Variants in EPB41L5 observed in about 807,000 individuals in gnomAD.
EPB41L5 encodes erythrocyte membrane protein band 4.1 like 5, also known as band 4.1-like protein 5.
A neutral mutation model predicts 106.6 loss-of-function variants in EPB41L5; 55 were observed. The ratio of observed to expected loss-of-function variants is 0.52; its 90% confidence interval spans 0.42 to 0.65. EPB41L5 has a LOEUF of 0.65. Among genes scored for constraint, EPB41L5 ranks in the 30% least tolerant of loss-of-function variants. The pLI is 0.00. For synonymous variants in EPB41L5, 297 were observed against 306.7 expected, an observed-to-expected ratio of 0.97 and a Z score of 0.33; for missense variants, 871 against 882.1, an observed-to-expected ratio of 0.99 and a Z score of 0.16.
intron 2 of EPB41L5, among the ~76,000 whole-genome samples, chr2:120,031,638 C>T (rs145032043): frequency 1.1e-4 from 16 of 152,228 alleles, no homozygotes; most frequent in Middle Eastern, 3.4e-3. Context: ...TAATCAAGAT[C>T]TCACATCCAT....
intron 14 of EPB41L5, among the ~76,000 whole-genome samples, chr2:120,094,001 G>A (rs1359831885): frequency 2.6e-5 from 4 of 151,850 alleles, no homozygotes; most frequent in African/African-American, 7.3e-5. Flanking sequence ...GGTAGGGGAC[G>A]TGCAGGGCCT....
At chr2:120,165,967 CAAAAAAAAA>C (rs536664071) in intron 22 of EPB41L5, among the ~76,000 whole-genome samples, 12 of 27,998 alleles carry the variant, frequency 4.3e-4, no homozygotes, top group African/African-American at 9.2e-4. Context: ...GACTCCGTCT[CAAAAAAAAA>C]AAAAAAAAAA....
chr2:120,145,034 A>T (rs981808690), intron 19 of EPB41L5, among the ~76,000 whole-genome samples: 2 of 152,228 alleles, frequency 1.3e-5, no homozygotes, highest in African/African-American at 2.4e-5. Context: ...CTACAACATC[A>T]TAATTAATGA....
At chr2:120,162,222 C>T (rs779823272) in intron 21 of EPB41L5, among the ~76,000 whole-genome samples, 1 of 152,218 alleles carries the variant, frequency 6.6e-6, no homozygotes, top group Non-Finnish European at 1.5e-5. Context: ...TGCACTGCAG[C>T]ATAACCAGCT....
chr2:120,114,364 C>G (rs1684857032), intron 16 of EPB41L5, among the ~76,000 whole-genome samples: 1 of 152,012 alleles, frequency 6.6e-6, no homozygotes. Flanking sequence ...TGATCTTTTC[C>G]TGGGCTGTAA....
At chr2:120,122,241 T>C (rs1367628290) in intron 16 of EPB41L5, among the ~76,000 whole-genome samples, 1 of 152,182 alleles carries the variant, frequency 6.6e-6, no homozygotes, top group African/African-American at 2.4e-5. Context: ...TAGTCATGGA[T>C]TCCTTGCCCA....
chr2:120,166,216 G>A (rs928272044), intron 22 of EPB41L5, among the ~76,000 whole-genome samples: 1 of 151,938 alleles, frequency 6.6e-6, no homozygotes, highest in African/African-American at 2.4e-5. Context: ...CTTGGGTGGG[G>A]TCTGAAAAGT....
In EPB41L5 at chr2:120,104,122, C is replaced by A. The variant is rs77751381; in HGVS notation, c.1337+3308C>A. 4.2e-3 allele frequency: 6,460 copies of A among 1,535,988 alleles called. 211 individuals carry two copies. In the African/African-American group the frequency reaches 0.074, roughly 18 times the overall value. On this transcript the variant is annotated intron_variant, in intron 16 of 24. Coordinates refer to ENST00000263713, the MANE Select transcript of EPB41L5 (RefSeq NM_020909.4). ...AACCAGTGGAACACAAGGGCCTTGC[C>A]CCCACCCCAGACCGCACATAGAAAC...
intron 22 of EPB41L5, among the ~76,000 whole-genome samples, chr2:120,167,241 T>TTCTC (rs1687454495): frequency 6.6e-6 from 1 of 152,192 alleles, no homozygotes; most frequent in Non-Finnish European, 1.5e-5. Context: ...AGATAAGAGA[T>TTCTC]TCTCAAAATT....
chr2:120,052,017 G>A (rs1252907791), intron 3 of EPB41L5, among the ~76,000 whole-genome samples: 1 of 152,162 alleles, frequency 6.6e-6, no homozygotes, highest in Non-Finnish European at 1.5e-5. Context: ...AGTACAGACA[G>A]GGTTTCACCA....
At chr2:120,126,349 G>T (rs1393209699) in intron 16 of EPB41L5, among the ~76,000 whole-genome samples, 1 of 151,910 alleles carries the variant, frequency 6.6e-6, no homozygotes, top group Non-Finnish European at 1.5e-5. Context: ...GATACTTTTG[G>T]TGTCATATCT....
intron 18 of EPB41L5, 135 bp from the exon 19 acceptor site, chr2:120,142,868 C>A: frequency 1.4e-6 from 1 of 738,616 alleles, no homozygotes. Context: ...ATTGCTTATG[C>A]CTGAAATAAG....
At chr2:120,119,013 T>C (rs1359484732) in intron 16 of EPB41L5, among the ~76,000 whole-genome samples, 4 of 152,218 alleles carry the variant, frequency 2.6e-5, no homozygotes, top group Admixed American at 2.0e-4. Flanking sequence ...TTTTGACTTT[T>C]TAATAATAGC....
chr2:120,029,127 G>A (rs1200731021), intron 2 of EPB41L5, among the ~76,000 whole-genome samples: 1 of 152,114 alleles, frequency 6.6e-6, no homozygotes, highest in Non-Finnish European at 1.5e-5. Context: ...GTTTCTTTAA[G>A]TGAATAGGAA....
intron 3 of EPB41L5, among the ~76,000 whole-genome samples, chr2:120,044,223 A>G (rs1052423143): frequency 4.6e-5 from 7 of 150,964 alleles, no homozygotes; most frequent in African/African-American, 1.2e-4. Context: ...CAGAGTTTCT[A>G]ATCTCTTGGT....
At chr2:120,029,438 C>A (rs1357348530) in intron 2 of EPB41L5, among the ~76,000 whole-genome samples, 1 of 152,264 alleles carries the variant, frequency 6.6e-6, no homozygotes, top group East Asian at 1.9e-4. Context: ...TGAAGTGATT[C>A]ACCTGCCTCA....
intron 15 of EPB41L5, 63 bp downstream of exon 15, chr2:120,100,349 A>C: frequency 6.8e-7 from 1 of 1,473,516 alleles, no homozygotes; most frequent in East Asian, 2.3e-5. Context: ...CAGTAGTAGT[A>C]TTGATTGGAT....
chr2:120,149,238 G>A (rs918065194), intron 20 of EPB41L5, among the ~76,000 whole-genome samples: 33 of 152,240 alleles, frequency 2.2e-4, no homozygotes, highest in African/African-American at 7.5e-4. Flanking sequence ...TCCATTTAAA[G>A]TGTGCAATTC....
intron 2 of EPB41L5, among the ~76,000 whole-genome samples, chr2:120,032,306 A>G (rs751490308): frequency 1.3e-5 from 2 of 152,172 alleles, no homozygotes; most frequent in Non-Finnish European, 2.9e-5. Flanking sequence ...TGAAACTGGA[A>G]GATGGAGGTT....
Sources: allele counts gnomAD v4.1 joint callset (sites outside exome capture counted in the v4.1 genomes callset), GRCh38; gene constraint gnomAD v4.1.1; transcripts MANE v1.5; gene names NCBI Gene and HGNC (gene_info 2026-07-23, HGNC 2026-07-21).